KCND2: variants seen among roughly 807,000 people sequenced by gnomAD.
The protein encoded by KCND2 is potassium voltage-gated channel subfamily D member 2.
In KCND2, 16 loss-of-function variants were observed where a neutral mutation model predicts 54.4. That is an observed-to-expected ratio of 0.29 (90% CI 0.20 to 0.45). The LOEUF (loss-of-function observed/expected upper bound fraction) is 0.45. Ranked by LOEUF, KCND2 falls within the 20% of genes least tolerant of loss-of-function variation. KCND2 has a pLI of 1.00. For synonymous variants in KCND2, 317 were observed against 310.7 expected, an observed-to-expected ratio of 1.02 and a Z score of -0.21; for missense variants, 486 against 824.2, an observed-to-expected ratio of 0.59 and a Z score of 5.02.
chr7:120,697,332 C>A (rs1050982411), intron 1 of KCND2, among the ~76,000 whole-genome samples: 2 of 152,020 alleles, frequency 1.3e-5, no homozygotes, highest in Non-Finnish European at 2.9e-5. Context: ...TTTTTTCTTC[C>A]TAGATGGGTA....
At chr7:120,555,067 G>T (rs1166311263) in intron 1 of KCND2, among the ~76,000 whole-genome samples, 1 of 152,138 alleles carries the variant, frequency 6.6e-6, no homozygotes, top group African/African-American at 2.4e-5. Flanking sequence ...GAACAATTCT[G>T]TTCTGTTATT....
At chr7:120,362,985 T>C (rs973096401) in intron 1 of KCND2, among the ~76,000 whole-genome samples, 1 of 151,972 alleles carries the variant, frequency 6.6e-6, no homozygotes, top group African/African-American at 2.4e-5. Flanking sequence ...TGATAATGTC[T>C]TTTAGAGTGA....
At chr7:120,477,418 A>G (rs1802548119) in intron 1 of KCND2, among the ~76,000 whole-genome samples, 1 of 152,174 alleles carries the variant, frequency 6.6e-6, no homozygotes, top group Non-Finnish European at 1.5e-5. Flanking sequence ...TGTACTGCTT[A>G]GCTTTGCTGT....
In KCND2 at chr7:120,634,784, C is replaced by T. The variant is rs570105007; in HGVS notation, c.1116-98119C>T. Among the ~76,000 whole-genome samples, 61 of 152,328 alleles carry T rather than the reference C, an allele frequency of 4.0e-4. 1 individual carries two copies. The South Asian group carries it at 0.012, about 31-fold the overall frequency. On this transcript the variant is annotated intron_variant, in intron 1 of 5. Coordinates refer to ENST00000331113, the MANE Select transcript of KCND2 (RefSeq NM_012281.3). ...TATTCCACTGGTCTTAGGGTAAAGT[C>T]CAAAGTCCTGATGAGGCTCCCAAGA...
chr7:120,410,072 C>T (rs528795228), intron 1 of KCND2, among the ~76,000 whole-genome samples: 2 of 151,828 alleles, frequency 1.3e-5, no homozygotes, highest in East Asian at 3.9e-4. Context: ...GATAAAAAGT[C>T]AAGGTTTATT....
intron 1 of KCND2, among the ~76,000 whole-genome samples, chr7:120,479,962 CAA>C (rs35246643): frequency 1.6e-4 from 11 of 68,860 alleles, no homozygotes; most frequent in Non-Finnish European, 2.1e-4. Flanking sequence ...GTAAGACTGT[CAA>C]AAAAAAAAAA....
intron 1 of KCND2, among the ~76,000 whole-genome samples, chr7:120,412,202 A>T (rs886914556): frequency 1.3e-5 from 2 of 152,058 alleles, no homozygotes; most frequent in African/African-American, 2.4e-5. Context: ...GAGAAGTTAC[A>T]CATTTAAATC....
chr7:120,604,339 TAAA>T (rs5886994), intron 1 of KCND2, among the ~76,000 whole-genome samples: 15 of 123,352 alleles, frequency 1.2e-4, no homozygotes, highest in Admixed American at 2.5e-4. Context: ...CCGTCTTTAC[TAAA>T]AAAAAAAAAA....
At chr7:120,452,626 C>T (rs748708058) in intron 1 of KCND2, among the ~76,000 whole-genome samples, 2 of 151,686 alleles carry the variant, frequency 1.3e-5, no homozygotes, top group African/African-American at 2.4e-5. Flanking sequence ...GGCTTGCTCT[C>T]ACAATGAACC....
chr7:120,526,547 T>C (rs993977446), intron 1 of KCND2, among the ~76,000 whole-genome samples: 1 of 152,170 alleles, frequency 6.6e-6, no homozygotes, highest in East Asian at 1.9e-4. Flanking sequence ...AGGAGACAGA[T>C]GGAATTATTT....
At chr7:120,730,177 A>G (rs1792786891) in intron 1 of KCND2, among the ~76,000 whole-genome samples, 1 of 152,310 alleles carries the variant, frequency 6.6e-6, no homozygotes, top group South Asian at 2.1e-4. Flanking sequence ...GCCATAATAA[A>G]TAATTGAGTT....
At chr7:120,682,157 C>T (rs1291036121) in intron 1 of KCND2, among the ~76,000 whole-genome samples, 5 of 151,882 alleles carry the variant, frequency 3.3e-5, no homozygotes, top group African/African-American at 4.8e-5. Context: ...CCCTCATTTT[C>T]TTTTTTACAA....
chr7:120,511,918 C>T (rs1002964235), intron 1 of KCND2, among the ~76,000 whole-genome samples: 3 of 152,270 alleles, frequency 2.0e-5, no homozygotes, highest in South Asian at 4.1e-4. Context: ...CTCCACACCA[C>T]TTCCCAAAAC....
intron 1 of KCND2, among the ~76,000 whole-genome samples, chr7:120,709,063 T>A (rs1489798731): frequency 1.3e-5 from 2 of 152,134 alleles, no homozygotes; most frequent in African/African-American, 4.8e-5. Context: ...CATGTTACCC[T>A]GTCCGTGCTA....
intron 1 of KCND2, among the ~76,000 whole-genome samples, chr7:120,499,530 T>A (rs1205977498): frequency 6.6e-6 from 1 of 152,164 alleles, no homozygotes; most frequent in Non-Finnish European, 1.5e-5. Flanking sequence ...CTTAAAGTCA[T>A]TTTCAAGTAA....
intron 1 of KCND2, among the ~76,000 whole-genome samples, chr7:120,657,451 T>C (rs557627837): frequency 6.6e-6 from 1 of 152,314 alleles, no homozygotes; most frequent in Non-Finnish European, 1.5e-5. Context: ...TAGAAGAGTT[T>C]ACCCTTAGGC....
intron 1 of KCND2, among the ~76,000 whole-genome samples, chr7:120,334,496 C>T (rs10488286): frequency 0.12 from 17,761 of 152,154 alleles, 1,111 homozygotes; most frequent in African/African-American, 0.16. Context: ...TGATAATTAA[C>T]TGTCCCTGAC....
chr7:120,601,268 A>G (rs984761891), intron 1 of KCND2, among the ~76,000 whole-genome samples: 5 of 152,130 alleles, frequency 3.3e-5, no homozygotes, highest in African/African-American at 1.2e-4. Context: ...TGCTAAACCA[A>G]TGCTTACCCC....
intron 1 of KCND2, among the ~76,000 whole-genome samples, chr7:120,469,527 A>C (rs924806210): frequency 2.6e-5 from 4 of 152,132 alleles, no homozygotes; most frequent in African/African-American, 7.2e-5. Flanking sequence ...TAGAGAAATC[A>C]GCATTAGTCA....
Sources: allele counts gnomAD v4.1 joint callset (sites outside exome capture counted in the v4.1 genomes callset), GRCh38; gene constraint gnomAD v4.1.1; transcripts MANE v1.5; gene names NCBI Gene and HGNC (gene_info 2026-07-23, HGNC 2026-07-21).